The following RASGEF1A variants were observed in gnomAD, a reference collection of about 807,000 sequenced individuals.
The protein encoded by RASGEF1A is ras-GEF domain-containing family member 1A.
RASGEF1A carries 18 observed loss-of-function variants against 56.4 expected under a neutral mutation model. The ratio of observed to expected loss-of-function variants is 0.32; its 90% CI spans 0.22 to 0.47. The LOEUF is 0.47. Among genes scored for constraint, RASGEF1A ranks in the 20% least tolerant of loss-of-function variants. The probability of loss-of-function intolerance (pLI) is 1.00; values close to 1 mark genes in which losing one functional copy is unlikely to be tolerated. For synonymous variants in RASGEF1A, 245 were observed against 242.6 expected (o/e 1.01, Z -0.09); for missense variants, 422 against 627.1 (o/e 0.67, Z 3.49).
rs978012686 is a variant in RASGEF1A, at chr10:43,195,965, C to CA, written c.*278dup. ...ATCAAAAGTAGAAAATAAAAATCTA[C>CA]ATTTCATTAGAATAAGATGTTATCA... is the stretch of plus-strand genomic sequence containing the variant. On this transcript the variant is annotated 3_prime_UTR_variant, in exon 13 of 13. Transcript: ENST00000395810. The surrounding 1 kb of genome is among the most constrained non-coding windows in gnomAD (Gnocchi z 4.2). 2.2e-5 allele frequency: 6 copies of CA among 274,046 alleles called. No individual in the cohort carries two copies. In the Admixed American group the frequency reaches 3.2e-4, roughly 14 times the overall value. 17.0% of individuals were successfully genotyped at this position (274,046 alleles called of 1,614,324 possible). A position where few individuals can be genotyped will look rare whatever the true frequency, so the allele number is the denominator to read the frequency against.
In RASGEF1A at chr10:43,232,405, A is replaced by ATGC. The variant is rs145384614; in HGVS notation, c.-6-26286_-6-26284dup. On this transcript the variant is annotated intron_variant, in intron 1 of 12. Transcript: ENST00000395810. ...CTCCCTGAGGCCTTCCCAGAAGCAA[A>ATGC]TGCTGCCATGATTCCTGTAAAGTTT... Among the ~76,000 whole-genome samples the ATGC allele has an allele frequency of 1.5e-3, 227 of 151,960 alleles. 6 individuals are homozygous for ATGC. In the East Asian group the frequency reaches 0.035, roughly 23 times the overall value.
intron 1 of RASGEF1A, among the ~76,000 whole-genome samples, chr10:43,244,495 A>C (rs1840548851): frequency 6.6e-6 from 1 of 151,192 alleles, no homozygotes; most frequent in Non-Finnish European, 1.5e-5. Flanking sequence ...ACAACAGAAC[A>C]CATACTCTTC....
intron 2 of RASGEF1A, chr10:43,203,825 G>T: frequency 9.9e-7 from 1 of 1,012,946 alleles, no homozygotes; most frequent in East Asian, 1.1e-4. Context: ...TCAGCGGTGG[G>T]GAGGGTGGGG....
chr10:43,266,134 G>A (rs1021687986), intron 1 of RASGEF1A, among the ~76,000 whole-genome samples: 48 of 152,176 alleles, frequency 3.2e-4, no homozygotes, highest in African/African-American at 1.0e-3. Flanking sequence ...CAGGGCACAG[G>A]AACCTGCCAG....
chr10:43,235,333 A>C (rs1213065905), intron 1 of RASGEF1A, among the ~76,000 whole-genome samples: 1 of 152,202 alleles, frequency 6.6e-6, no homozygotes, highest in Non-Finnish European at 1.5e-5. Context: ...AAGCTCATCA[A>C]GATACCATGG....
chr10:43,209,690 A>T lies in RASGEF1A; in HGVS notation c.-6-3568T>A, dbSNP rs2503852. On this transcript the variant is annotated intron_variant, in intron 1 of 12. Transcript: ENST00000395810. The stretch of plus-strand genomic sequence containing the variant: ...TGTGGAGAGCTCAGGAAGCCCCCCC[A>T]CCAGGGCTAGGCAGAGATAGGGCTG... Among the ~76,000 whole-genome samples, 58 of 143,482 alleles carry T rather than the reference A, an allele frequency of 4.0e-4. 1 individual carries two copies. The South Asian group carries it at 7.9e-3, about 20-fold the overall frequency. The allele number at this position is 143,482 out of a possible 152,430, so 94.1% of individuals were successfully genotyped here.
At chr10:43,201,653 G>A (rs1306735289) in intron 4 of RASGEF1A, among the ~76,000 whole-genome samples, 155 bp downstream of exon 4, 1 of 152,214 alleles carries the variant, frequency 6.6e-6, no homozygotes, top group Non-Finnish European at 1.5e-5. Flanking sequence ...TGTCATCTGG[G>A]GGAAGGGAGG....
chr10:43,242,952 C>T (rs1840520134), intron 1 of RASGEF1A, among the ~76,000 whole-genome samples: 1 of 152,240 alleles, frequency 6.6e-6, no homozygotes, highest in Non-Finnish European at 1.5e-5. Context: ...CCGCCCGCCA[C>T]CCCGTCTAGG....
chr10:43,225,922 G>A (rs61268333), intron 1 of RASGEF1A, among the ~76,000 whole-genome samples: 25,134 of 152,092 alleles, frequency 0.17, 2,685 homozygotes, highest in East Asian at 0.51. Flanking sequence ...CATACTTACC[G>A]GCCCAAGGCT....
At chr10:43,220,742 G>A (rs1009985302) in intron 1 of RASGEF1A, among the ~76,000 whole-genome samples, 1 of 149,356 alleles carries the variant, frequency 6.7e-6, no homozygotes, top group Admixed American at 6.7e-5. Context: ...CTGAGATCAC[G>A]CCACTGCACT....
intron 1 of RASGEF1A, among the ~76,000 whole-genome samples, chr10:43,225,500 C>A (rs1437941235): frequency 1.4e-5 from 2 of 140,212 alleles, no homozygotes; most frequent in Non-Finnish European, 3.1e-5. Context: ...TGTGTCTCTG[C>A]ATGTCTCTGT....
intron 1 of RASGEF1A, among the ~76,000 whole-genome samples, chr10:43,251,108 C>A (rs982022251): frequency 1.3e-5 from 2 of 152,214 alleles, no homozygotes; most frequent in African/African-American, 4.8e-5. Context: ...TGCCAGAAAC[C>A]CAGAAATCCA....
chr10:43,225,891 G>A (rs1298462944), intron 1 of RASGEF1A, among the ~76,000 whole-genome samples: 1 of 152,194 alleles, frequency 6.6e-6, no homozygotes, highest in Non-Finnish European at 1.5e-5. Flanking sequence ...GGGGGAGAGA[G>A]AGGAGGGCGG....
chr10:43,220,825 CAGCTT>C (rs1840198450), intron 1 of RASGEF1A, among the ~76,000 whole-genome samples: 1 of 151,412 alleles, frequency 6.6e-6, no homozygotes, highest in Non-Finnish European at 1.5e-5. Flanking sequence ...ACAAGTAACT[CAGCTT>C]AGAGTGAAGT....
rs575786052 is a variant in RASGEF1A, at chr10:43,219,206, C to T, written c.-6-13084G>A. 2.6e-5 allele frequency among the ~76,000 whole-genome samples: 4 copies of T among 152,342 alleles called. No homozygotes were observed. In the East Asian group the frequency reaches 7.7e-4, roughly 29 times the overall value. ...CCCCTTGGCCTCGCTCCCTCTTCGG[C>T]CAACGCCATCAGATTCTGCAGGGGT... is the stretch of plus-strand genomic sequence containing the variant. On this transcript the variant is annotated intron_variant, in intron 1 of 12. Coordinates refer to ENST00000395810, the MANE Select transcript of RASGEF1A (RefSeq NM_145313.4).
intron 1 of RASGEF1A, among the ~76,000 whole-genome samples, chr10:43,217,591 C>T (rs1840154957): frequency 6.6e-6 from 1 of 152,266 alleles, no homozygotes; most frequent in Non-Finnish European, 1.5e-5. Flanking sequence ...CGTCATCTAT[C>T]CACAATGTGC....
intron 1 of RASGEF1A, among the ~76,000 whole-genome samples, chr10:43,265,860 TG>T (rs1226053577): frequency 3.9e-5 from 6 of 152,224 alleles, no homozygotes; most frequent in African/African-American, 1.4e-4. Context: ...CCAAGGCCTC[TG>T]GGAGGCTCCC....
At chr10:43,232,485 C>CTTT (rs55766600) in intron 1 of RASGEF1A, among the ~76,000 whole-genome samples, 17,243 of 123,372 alleles carry the variant, frequency 0.14, 1,638 homozygotes, top group East Asian at 0.34. Context: ...CAGTCTCCGG[C>CTTT]TTTTTTTTTT....
rs1421012984 is a variant in RASGEF1A at position 43,195,919 on chromosome 10, T to G, written c.*325A>C. ...GTTTTGGCTGGGTTTTTTAAAATATTTTTTTCATAAGATGTTAATAATCAA... is the reference window on the plus strand; with the variant it reads ...GTTTTGGCTGGGTTTTTTAAAATATGTTTTTCATAAGATGTTAATAATCAA... On this transcript the variant is annotated 3_prime_UTR_variant, in exon 13 of 13. Transcript: ENST00000395810. The surrounding 1 kb of genome is among the most constrained non-coding windows in gnomAD (Gnocchi z 4.2). 5.4e-6 allele frequency: 1 copy of G among 183,758 alleles called. No homozygotes were observed. The highest frequency in any genetic ancestry group is 1.6e-4 in the South Asian group (1 of 6,252). 11.4% of individuals were successfully genotyped at this position (183,758 alleles called of 1,614,324 possible).
Sources: gnomAD v4.1 joint callset for allele counts (sites outside exome capture counted in the v4.1 genomes callset) on GRCh38, gnomAD v4.1.1 for gene constraint, Gnocchi (gnomAD v3.1) non-coding constraint, MANE v1.5 for transcripts, NCBI Gene and HGNC (gene_info 2026-07-23, HGNC 2026-07-21) for gene names.